Variants in ITPR2 observed in about 807,000 individuals in gnomAD.
The protein encoded by ITPR2 is inositol 1,4,5-trisphosphate-gated calcium channel ITPR2.
Under a neutral mutation model 317.1 loss-of-function variants are expected in ITPR2, and 207 were observed. The observed-to-expected ratio is 0.65, with a 90% CI of 0.58 to 0.73. The LOEUF (loss-of-function observed/expected upper bound fraction) is 0.73, where lower values mean the gene tolerates loss of function less well. Among genes scored for constraint, ITPR2 ranks in the 30% least tolerant of loss-of-function variants. ITPR2 has a pLI of 0.00. For missense variants in ITPR2, 2,613 were observed against 3,284.0 expected, an observed-to-expected ratio of 0.80 and a Z score of 4.99; for synonymous variants, 1,156 against 1,149.1, an observed-to-expected ratio of 1.01 and a Z score of -0.12.
intron 21 of ITPR2, among the ~76,000 whole-genome samples, chr12:26,644,710 TC>T (rs1456574539): frequency 6.6e-6 from 1 of 151,952 alleles, no homozygotes; most frequent in Non-Finnish European, 1.5e-5. Flanking sequence ...TTCAATTCCC[TC>T]CCACCAGGCC....
intron 4 of ITPR2, among the ~76,000 whole-genome samples, chr12:26,723,040 A>C (rs1948863839): frequency 6.6e-6 from 1 of 152,058 alleles, no homozygotes; most frequent in Non-Finnish European, 1.5e-5. Context: ...GCTCATCCTA[A>C]ATAGGCTTCT....
At chr12:26,722,248 A>G in intron 5 of ITPR2, 149 bp downstream of exon 5, 1 of 533,226 alleles carries the variant, frequency 1.9e-6, no homozygotes, top group Non-Finnish European at 3.1e-6. Context: ...ACTATAAATA[A>G]ACATGTTTAA....
chr12:26,668,367 C>T (rs1467488935), intron 13 of ITPR2, among the ~76,000 whole-genome samples: 1 of 152,174 alleles, frequency 6.6e-6, no homozygotes, highest in East Asian at 1.9e-4. Context: ...CAGGAAACAA[C>T]AGATACACAT....
rs7971287 is a variant in ITPR2, at chr12:26,372,050, C to T, written c.7857+15384G>A. ...AGCTCCAACCTAATCCAGGTGGGTT[C>T]ACCTACTCTCTGAGCTTCAATTATT... On this transcript the variant is annotated intron_variant, in intron 55 of 56. Transcript: ENST00000381340. 8.0e-3 allele frequency among the ~76,000 whole-genome samples: 1,223 copies of T among 152,308 alleles called. 10 individuals are homozygous for T. Among genetic ancestry groups the T allele is most frequent in the Non-Finnish European group, 0.012 (810 of 68,014 alleles).
At chr12:26,621,563 T>G (rs1946496023) in intron 25 of ITPR2, among the ~76,000 whole-genome samples, 1 of 152,142 alleles carries the variant, frequency 6.6e-6, no homozygotes, top group African/African-American at 2.4e-5. Flanking sequence ...CAAAAACAAC[T>G]GGGAGAAAAT....
intron 26 of ITPR2, among the ~76,000 whole-genome samples, chr12:26,610,970 G>A (rs924407934): frequency 2.6e-5 from 4 of 152,228 alleles, no homozygotes; most frequent in Admixed American, 6.5e-5. Flanking sequence ...TGGGTGCCCC[G>A]CTGGATAGTA....
Position 26,832,777 on chromosome 12 carries a change from G to A in ITPR2, c.5C>T (p.Thr2Ile), listed in dbSNP as rs1565795822. ...GTAGAGGAAGCTGGACATTTTCTCA[G>A]TCATGCTGCTTCATGTTCCACAGTG... M[T>I]EKMSSFLYIG... The change falls in exon 1 of 57, where the codon ACT (threonine) becomes ATT (isoleucine). Residue 2 changes from threonine to isoleucine, a missense_variant. Physicochemically the swap from Thr to Ile is moderately conservative, Grantham distance 89. Around this residue, in one of 9 missense-constraint regions of ITPR2, gnomAD observed 515 missense variants for 789.4 expected, o/e 0.65. Transcript: ENST00000381340. The A allele has an allele frequency of 1.2e-6, 2 of 1,600,112 alleles. No individual in the cohort carries two copies. The highest frequency in any genetic ancestry group is 2.3e-5 in the East Asian group (1 of 43,216).
At chr12:26,665,146 G>A (rs1269341371) in intron 14 of ITPR2, among the ~76,000 whole-genome samples, 8 of 152,206 alleles carry the variant, frequency 5.3e-5, no homozygotes, top group Non-Finnish European at 1.5e-5. Flanking sequence ...TAATACAGGA[G>A]CAGTTCTGTA....
chr12:26,457,777 G>A (rs1941927227), intron 45 of ITPR2, among the ~76,000 whole-genome samples: 1 of 152,156 alleles, frequency 6.6e-6, no homozygotes, highest in Non-Finnish European at 1.5e-5. Flanking sequence ...CTTGTTAACT[G>A]AACAGCCACA....
intron 49 of ITPR2, chr12:26,421,188 A>C (rs1940880875): frequency 6.6e-6 from 1 of 152,208 alleles, no homozygotes; most frequent in Admixed American, 6.5e-5. Context: ...TAATGCAAAA[A>C]CAAGGCCACA....
intron 2 of ITPR2, among the ~76,000 whole-genome samples, chr12:26,759,697 A>C (rs1949593648): frequency 6.6e-6 from 1 of 152,244 alleles, no homozygotes; most frequent in African/African-American, 2.4e-5. Context: ...ACACTGAAAT[A>C]GCAGCTTTTG....
At chr12:26,638,862 T>C (rs1433107225) in intron 21 of ITPR2, among the ~76,000 whole-genome samples, 1 of 152,162 alleles carries the variant, frequency 6.6e-6, no homozygotes, top group Non-Finnish European at 1.5e-5. Flanking sequence ...GCTACATGCT[T>C]AGGGCCAAAG....
chr12:26,654,515 T>C (rs1440915877), intron 20 of ITPR2, among the ~76,000 whole-genome samples: 2 of 152,194 alleles, frequency 1.3e-5, no homozygotes, highest in Admixed American at 6.5e-5. Context: ...CTATGCTGCT[T>C]TGTGGTCTTG....
At chr12:26,448,416 T>C (rs1384746430) in intron 45 of ITPR2, among the ~76,000 whole-genome samples, 2 of 152,100 alleles carry the variant, frequency 1.3e-5, no homozygotes, top group African/African-American at 4.8e-5. Context: ...TCCACAACAA[T>C]ATGAGCCAAA....
chr12:26,775,959 T>TATATATATATATACACACA (rs1263788006), intron 2 of ITPR2, among the ~76,000 whole-genome samples: 5 of 145,162 alleles, frequency 3.4e-5, no homozygotes, highest in Non-Finnish European at 3.1e-5. Context: ...TATATGTATA[T>TATATATATATATACACACA]CCTATTAGTT....
intron 37 of ITPR2, among the ~76,000 whole-genome samples, chr12:26,526,263 T>C (rs7299827): frequency 0.15 from 23,039 of 152,140 alleles, 2,377 homozygotes; most frequent in Non-Finnish European, 0.23. Context: ...TTATTTTAGA[T>C]AGAGTTGTCA....
intron 13 of ITPR2, 111 bp from the exon 14 acceptor site, chr12:26,666,162 A>ATAGATAGATAGATAGAT (rs34107444): frequency 0.17 from 66,288 of 398,360 alleles, 5,053 homozygotes; most frequent in African/African-American, 0.19. Flanking sequence ...AGATAGATAG[A>ATAGATAGATAGATAGAT]TTTTTTTTTA....
At chr12:26,821,221 C>G (rs896862878) in intron 1 of ITPR2, among the ~76,000 whole-genome samples, 1 of 152,178 alleles carries the variant, frequency 6.6e-6, no homozygotes, top group Admixed American at 6.5e-5. Flanking sequence ...CCAGCTCACA[C>G]CCAGCATCTT....
chr12:26,769,026 C>CACACACACA (rs201911951), intron 2 of ITPR2, among the ~76,000 whole-genome samples: 21 of 149,716 alleles, frequency 1.4e-4, no homozygotes, highest in South Asian at 4.2e-4. Context: ...CACACACACA[C>CACACACACA]CCCAATCTCA....
Sources: gnomAD v4.1 joint callset for allele counts (sites outside exome capture counted in the v4.1 genomes callset) on GRCh38, gnomAD v4.1.1 for gene constraint, gnomAD v4.1.1 regional missense constraint, MANE v1.5 for transcripts, NCBI Gene and HGNC (gene_info 2026-07-23, HGNC 2026-07-21) for gene names.